UNC5D: variants seen among roughly 807,000 people sequenced by gnomAD.
UNC5D encodes unc-5 netrin receptor D, also known as netrin receptor UNC5D.
Under a neutral mutation model 105.4 loss-of-function variants are expected in UNC5D, and 39 were observed. That is an observed-to-expected ratio of 0.37 (90% CI 0.29 to 0.48). The LOEUF is 0.48. UNC5D is among the 20% of genes least tolerant of loss of function. The probability of loss-of-function intolerance (pLI) is 0.98; values close to 1 mark genes in which losing one functional copy is unlikely to be tolerated. For missense variants in UNC5D, 991 were observed against 1,202.4 expected, an observed-to-expected ratio of 0.82 and a Z score of 2.60; for synonymous variants, 452 against 450.4, an observed-to-expected ratio of 1.00 and a Z score of -0.04.
intron 6 of UNC5D, 120 bp from the exon 7 acceptor site, chr8:35,686,424 TG>T: frequency 9.1e-7 from 1 of 1,093,864 alleles, no homozygotes; most frequent in Non-Finnish European, 1.2e-6. Flanking sequence ...TATGTTCTTT[TG>T]TTTCTGTTTG....
At chr8:35,785,987 G>T (rs536561057) in intron 16 of UNC5D, among the ~76,000 whole-genome samples, 1 of 152,086 alleles carries the variant, frequency 6.6e-6, no homozygotes, top group South Asian at 2.1e-4. Flanking sequence ...TTTTGATTTC[G>T]CAATAATGAA....
intron 1 of UNC5D, among the ~76,000 whole-genome samples, chr8:35,375,776 TC>T (rs1156686280): frequency 6.6e-6 from 1 of 152,232 alleles, no homozygotes; most frequent in African/African-American, 2.4e-5. Flanking sequence ...ATTGAATTTG[TC>T]CCCTTAGTTC....
intron 1 of UNC5D, among the ~76,000 whole-genome samples, chr8:35,350,016 A>T (rs1203864750): frequency 6.6e-6 from 1 of 152,022 alleles, no homozygotes; most frequent in East Asian, 1.9e-4. Flanking sequence ...AAAACAGCAC[A>T]TAATATTCTT....
intron 4 of UNC5D, among the ~76,000 whole-genome samples, chr8:35,625,971 A>G (rs1348883652): frequency 6.6e-6 from 1 of 152,226 alleles, no homozygotes. Context: ...AGCTGGAGTG[A>G]GAAGCAATAA....
intron 1 of UNC5D, among the ~76,000 whole-genome samples, chr8:35,304,929 TG>T (rs1448745053): frequency 6.4e-4 from 97 of 152,250 alleles, no homozygotes; most frequent in Admixed American, 1.1e-3. Context: ...TAATCAGCTA[TG>T]AACAAAAGGA....
At chr8:35,444,656 A>G (rs572180461) in intron 1 of UNC5D, among the ~76,000 whole-genome samples, 3 of 152,144 alleles carry the variant, frequency 2.0e-5, no homozygotes, top group Middle Eastern at 6.8e-3. Context: ...AACAGAAATG[A>G]GAGACTATGT....
intron 1 of UNC5D, among the ~76,000 whole-genome samples, chr8:35,335,076 A>G (rs1261231026): frequency 1.3e-5 from 2 of 151,892 alleles, no homozygotes; most frequent in African/African-American, 2.4e-5. Context: ...AAATTTTTTC[A>G]CTTTGTTTGA....
chr8:35,236,547 C>T (rs982253081), intron 1 of UNC5D, among the ~76,000 whole-genome samples: 3 of 129,424 alleles, frequency 2.3e-5, no homozygotes, highest in Non-Finnish European at 5.1e-5. Context: ...CCTCCTCTCC[C>T]TTCCCGGCGC....
At chr8:35,760,209 A>G (rs1801463270) in intron 14 of UNC5D, among the ~76,000 whole-genome samples, 1 of 151,694 alleles carries the variant, frequency 6.6e-6, no homozygotes, top group Non-Finnish European at 1.5e-5. Context: ...TGCCCAGCTA[A>G]TTTTTCTATT....
intron 1 of UNC5D, among the ~76,000 whole-genome samples, chr8:35,502,096 C>T (rs184593533): frequency 8.9e-4 from 135 of 152,252 alleles, no homozygotes; most frequent in African/African-American, 3.0e-3. Flanking sequence ...CATATTAATC[C>T]TCATTGGTAC....
At chr8:35,426,232 T>G (rs951345078) in intron 1 of UNC5D, among the ~76,000 whole-genome samples, 1 of 152,174 alleles carries the variant, frequency 6.6e-6, no homozygotes, top group Non-Finnish European at 1.5e-5. Context: ...GTAATTGAGT[T>G]CTTTCAACTG....
At chr8:35,734,926 G>A (rs1829387370) in intron 11 of UNC5D, among the ~76,000 whole-genome samples, 2 of 151,800 alleles carry the variant, frequency 1.3e-5, no homozygotes, top group Non-Finnish European at 1.5e-5. Flanking sequence ...TGGGATTACA[G>A]GCACCCGCCA....
intron 1 of UNC5D, among the ~76,000 whole-genome samples, chr8:35,489,344 C>T (rs568518577): frequency 6.6e-6 from 1 of 152,014 alleles, no homozygotes; most frequent in Non-Finnish European, 1.5e-5. Flanking sequence ...CCCGGCCACC[C>T]CCAAATTCAT....
intron 1 of UNC5D, among the ~76,000 whole-genome samples, chr8:35,264,905 G>A (rs1314656071): frequency 6.6e-6 from 1 of 152,188 alleles, no homozygotes; most frequent in East Asian, 1.9e-4. Flanking sequence ...GTACAGCTGA[G>A]GGATCCTCTA....
intron 1 of UNC5D, among the ~76,000 whole-genome samples, chr8:35,348,807 C>G (rs1811992454): frequency 6.6e-6 from 1 of 151,716 alleles, no homozygotes; most frequent in Non-Finnish European, 1.5e-5. Context: ...CCAAGGTTCT[C>G]AAATAGTACT....
At chr8:35,348,933 A>G (rs1182129078) in intron 1 of UNC5D, among the ~76,000 whole-genome samples, 1 of 151,876 alleles carries the variant, frequency 6.6e-6, no homozygotes, top group Non-Finnish European at 1.5e-5. Flanking sequence ...ATTTAGAAAC[A>G]ATAAAACCCA....
intron 1 of UNC5D, among the ~76,000 whole-genome samples, chr8:35,360,070 G>C (rs920217038): frequency 5.9e-5 from 9 of 152,028 alleles, no homozygotes; most frequent in African/African-American, 2.2e-4. Flanking sequence ...AATTATTCTG[G>C]TTTGCAAACT....
intron 1 of UNC5D, among the ~76,000 whole-genome samples, chr8:35,337,048 C>G (rs76572822): frequency 0.015 from 2,323 of 152,168 alleles, 67 homozygotes; most frequent in African/African-American, 0.054. Context: ...GAGTAATATT[C>G]AAAATGCTGA....
At chr8:35,344,864 G>T (rs752155586) in intron 1 of UNC5D, among the ~76,000 whole-genome samples, 1 of 151,936 alleles carries the variant, frequency 6.6e-6, no homozygotes, top group South Asian at 2.1e-4. Flanking sequence ...AGAAGCACAC[G>T]TTTATAAAAT....
Sources: allele counts gnomAD v4.1 joint callset (sites outside exome capture counted in the v4.1 genomes callset), GRCh38; gene constraint gnomAD v4.1.1; transcripts MANE v1.5; gene names NCBI Gene and HGNC (gene_info 2026-07-23, HGNC 2026-07-21).